TBC1D5: variants seen among roughly 807,000 people sequenced by gnomAD.
TBC1D5 encodes TBC1 domain family member 5, also known as TBC1 domain family, member 5.
A neutral mutation model predicts 100.3 loss-of-function variants in TBC1D5; 75 were observed. The ratio of observed to expected loss-of-function variants is 0.75; its 90% CI spans 0.62 to 0.91. The LOEUF is 0.91. TBC1D5 is among the 40% of genes least tolerant of loss of function. The pLI is 0.00. For missense variants in TBC1D5, 910 were observed against 942.4 expected (o/e 0.97, Z 0.45); for synonymous variants, 323 against 325.6 (o/e 0.99, Z 0.09).
intron 13 of TBC1D5, among the ~76,000 whole-genome samples, chr3:17,346,891 G>A (rs907956870): frequency 2.0e-5 from 3 of 152,030 alleles, no homozygotes; most frequent in Non-Finnish European, 4.4e-5. Context: ...ACATAAGCAT[G>A]GAGACCAGAT....
intron 12 of TBC1D5, 67 bp downstream of exon 12, chr3:17,374,404 T>A: frequency 6.9e-7 from 1 of 1,443,866 alleles, no homozygotes; most frequent in Non-Finnish European, 9.4e-7. Context: ...TTTGGTTACA[T>A]GTTGTTATTT....
At chr3:17,420,153 T>C (rs1483381054) in intron 4 of TBC1D5, among the ~76,000 whole-genome samples, 2 of 151,296 alleles carry the variant, frequency 1.3e-5, no homozygotes, top group Non-Finnish European at 2.9e-5. Flanking sequence ...TTGTCTATAA[T>C]GGAAGTATAA....
chr3:17,334,823 A>C (rs1213435769), intron 13 of TBC1D5, among the ~76,000 whole-genome samples: 1 of 152,148 alleles, frequency 6.6e-6, no homozygotes, highest in East Asian at 1.9e-4. Context: ...AGGATTCAGC[A>C]AGGTAATTGC....
intron 1 of TBC1D5, among the ~76,000 whole-genome samples, chr3:17,640,224 G>A (rs1222449255): frequency 1.3e-5 from 2 of 151,844 alleles, no homozygotes; most frequent in African/African-American, 4.8e-5. Flanking sequence ...ATTAAATCAG[G>A]TGCCATTTGG....
intron 3 of TBC1D5, among the ~76,000 whole-genome samples, chr3:17,474,997 ACT>A (rs1458537362): frequency 2.0e-5 from 3 of 152,102 alleles, no homozygotes; most frequent in Admixed American, 6.6e-5. Context: ...AAATGAGGTC[ACT>A]CTGCATTTAA....
At chr3:17,538,530 C>A (rs775360336) in intron 2 of TBC1D5, among the ~76,000 whole-genome samples, 9 of 152,180 alleles carry the variant, frequency 5.9e-5, no homozygotes, top group Non-Finnish European at 1.0e-4. Flanking sequence ...CTTCCTTTCA[C>A]TCCTGCTTTA....
intron 1 of TBC1D5, among the ~76,000 whole-genome samples, chr3:17,657,013 C>G (rs948481643): frequency 2.1e-4 from 32 of 152,036 alleles, no homozygotes; most frequent in African/African-American, 7.7e-4. Flanking sequence ...GCCACACTGA[C>G]TAAAAACTGG....
intron 13 of TBC1D5, among the ~76,000 whole-genome samples, chr3:17,355,199 T>C (rs1353634359): frequency 3.3e-5 from 5 of 152,138 alleles, no homozygotes; most frequent in Non-Finnish European, 5.9e-5. Context: ...AAAAAAGGTA[T>C]GGCAGTTTAT....
chr3:17,595,867 A>G (rs1452481020), intron 2 of TBC1D5, among the ~76,000 whole-genome samples: 1 of 152,198 alleles, frequency 6.6e-6, no homozygotes, highest in African/African-American at 2.4e-5. Context: ...CTCACCAGTA[A>G]TACCTACCTT....
rs551853618 is a variant in TBC1D5, at chr3:17,521,685, A to C, written c.-35-13080T>G. Among the ~76,000 whole-genome samples, 15 of 152,272 alleles carry C rather than the reference A, an allele frequency of 9.9e-5. No individual in the cohort carries two copies. The East Asian group carries it at 1.9e-3, about 20-fold the overall frequency. On this transcript the variant is annotated intron_variant, in intron 2 of 21. Transcript: ENST00000253692. The stretch of plus-strand genomic sequence containing the variant: ...GGGGGGAAATCCAAAGAAAATGTGA[A>C]CTTTGTTAATTTGTTGAGACTAATA...
chr3:17,455,319 T>C (rs549618046), intron 3 of TBC1D5, among the ~76,000 whole-genome samples: 1 of 144,286 alleles, frequency 6.9e-6, no homozygotes, highest in African/African-American at 2.7e-5. Flanking sequence ...TAAATATGTG[T>C]ATATGTGTAT....
chr3:17,545,125 C>A (rs2096402076), intron 2 of TBC1D5, among the ~76,000 whole-genome samples: 1 of 151,928 alleles, frequency 6.6e-6, no homozygotes, highest in Non-Finnish European at 1.5e-5. Flanking sequence ...ACTATTATGA[C>A]ACCGAAAAAA....
At chr3:17,367,975 C>T (rs930024701) in intron 13 of TBC1D5, among the ~76,000 whole-genome samples, 2 of 146,626 alleles carry the variant, frequency 1.4e-5, no homozygotes, top group African/African-American at 5.2e-5. Flanking sequence ...TATAAATTAC[C>T]TTTAGGATAT....
intron 2 of TBC1D5, among the ~76,000 whole-genome samples, chr3:17,577,837 A>G (rs1198148696): frequency 6.6e-6 from 1 of 152,038 alleles, no homozygotes; most frequent in African/African-American, 2.4e-5. Flanking sequence ...ACAGAATAAA[A>G]TGCCACATAA....
At chr3:17,729,563 T>C (rs995033556) in intron 1 of TBC1D5, among the ~76,000 whole-genome samples, 8 of 151,980 alleles carry the variant, frequency 5.3e-5, no homozygotes, top group Non-Finnish European at 1.0e-4. Flanking sequence ...AAAAATTAGC[T>C]GGGCGTTGTG....
At chr3:17,559,400 C>A (rs1049572372) in intron 2 of TBC1D5, among the ~76,000 whole-genome samples, 3 of 151,974 alleles carry the variant, frequency 2.0e-5, no homozygotes, top group Non-Finnish European at 2.9e-5. Context: ...CTCGGCCTCC[C>A]ACCAAAATGC....
At chr3:17,269,634 T>TCTCCCTCC (rs796913159) in intron 15 of TBC1D5, among the ~76,000 whole-genome samples, 6 of 151,772 alleles carry the variant, frequency 4.0e-5, no homozygotes, top group African/African-American at 1.5e-4. Flanking sequence ...ATGGGTCTTG[T>TCTCCCTCC]CTCCCTCCCT....
intron 3 of TBC1D5, among the ~76,000 whole-genome samples, chr3:17,432,127 T>C (rs2094456605): frequency 6.6e-6 from 1 of 152,130 alleles, no homozygotes; most frequent in Non-Finnish European, 1.5e-5. Flanking sequence ...TGAAAAGTAT[T>C]ACATAATAAA....
At chr3:17,616,940 A>C (rs1304956627) in intron 2 of TBC1D5, among the ~76,000 whole-genome samples, 1 of 152,082 alleles carries the variant, frequency 6.6e-6, no homozygotes, top group Non-Finnish European at 1.5e-5. Flanking sequence ...TATGATGTTC[A>C]CTGGTTATTT....
Sources: gnomAD v4.1 joint callset for allele counts (sites outside exome capture counted in the v4.1 genomes callset) on GRCh38, gnomAD v4.1.1 for gene constraint, MANE v1.5 for transcripts, NCBI Gene and HGNC (gene_info 2026-07-23, HGNC 2026-07-21) for gene names.